ARFGEF2: variants seen among roughly 807,000 people sequenced by gnomAD.
The protein encoded by ARFGEF2 is ARF guanine nucleotide exchange factor 2.
ARFGEF2 carries 74 observed loss-of-function variants against 219.9 expected under a neutral mutation model. The observed-to-expected ratio is 0.34, with a 90% CI of 0.28 to 0.41. The LOEUF (loss-of-function observed/expected upper bound fraction) is 0.41, where lower values mean the gene tolerates loss of function less well. ARFGEF2 is among the 10% of genes least tolerant of loss of function. The pLI is 1.00. For synonymous variants in ARFGEF2, 733 were observed against 799.2 expected (o/e 0.92, Z 1.40); for missense variants, 1,743 against 2,218.3 (o/e 0.79, Z 4.30).
At chr20:49,026,346 A>T in intron 36 of ARFGEF2, among the ~76,000 whole-genome samples, 1 of 152,110 alleles carries the variant, frequency 6.6e-6, no homozygotes, top group East Asian at 1.9e-4. Context: ...AAAAAAAGAA[A>T]TTTTACATTA....
intron 30 of ARFGEF2, 53 bp downstream of exon 30, chr20:49,014,013 T>C (rs2091516412): frequency 6.2e-6 from 10 of 1,610,884 alleles, no homozygotes; most frequent in Admixed American, 5.0e-5. Flanking sequence ...AAAGCCTTTC[T>C]GGCCGGTATT....
At chr20:49,027,666 A>T (rs1422508997) in intron 36 of ARFGEF2, among the ~76,000 whole-genome samples, 1 of 152,082 alleles carries the variant, frequency 6.6e-6, no homozygotes, top group Non-Finnish European at 1.5e-5. Context: ...ACTGCACTCC[A>T]GCCTGGGTGA....
chr20:48,982,883 T>A (rs2091305219), intron 14 of ARFGEF2, among the ~76,000 whole-genome samples: 1 of 152,196 alleles, frequency 6.6e-6, no homozygotes, highest in South Asian at 2.1e-4. Context: ...GTGTCCCGAT[T>A]TTCCAGGTAC....
At chr20:49,015,796 A>G (rs1234414796) in intron 30 of ARFGEF2, among the ~76,000 whole-genome samples, 1 of 152,202 alleles carries the variant, frequency 6.6e-6, no homozygotes, top group Non-Finnish European at 1.5e-5. Flanking sequence ...AAGTGTTTCA[A>G]ACTGCTAGTG....
At chr20:48,952,031 C>T (rs940409259) in intron 4 of ARFGEF2, among the ~76,000 whole-genome samples, 4 of 151,490 alleles carry the variant, frequency 2.6e-5, no homozygotes, top group African/African-American at 9.7e-5. Context: ...CACATCGAAA[C>T]GTATATTTTC....
chr20:48,982,936 G>A (rs1325695082), intron 14 of ARFGEF2, among the ~76,000 whole-genome samples: 3 of 152,106 alleles, frequency 2.0e-5, no homozygotes, highest in Non-Finnish European at 4.4e-5. Flanking sequence ...AAAATCCTCC[G>A]ACCCCTTACG....
intron 16 of ARFGEF2, among the ~76,000 whole-genome samples, chr20:48,987,530 T>C (rs887758603): frequency 1.4e-4 from 22 of 152,342 alleles, no homozygotes; most frequent in African/African-American, 5.1e-4. Context: ...ACAGCAGTTT[T>C]AGTCATCTTT....
intron 1 of ARFGEF2, among the ~76,000 whole-genome samples, chr20:48,930,870 G>T (rs2090909005): frequency 6.6e-6 from 1 of 152,220 alleles, no homozygotes. Flanking sequence ...GCCTTTTCTG[G>T]CTGGGCAGAG....
chr20:48,931,967 G>A (rs1234735886), intron 1 of ARFGEF2, among the ~76,000 whole-genome samples: 1 of 152,212 alleles, frequency 6.6e-6, no homozygotes, highest in African/African-American at 2.4e-5. Flanking sequence ...GGGTGGAAGG[G>A]AGGATAATTG....
rs1225657737 is a variant in ARFGEF2 at position 49,033,907 on chromosome 20, AGAAAAAGTCTACAC to A, written c.*717_*730del. The A allele has an allele frequency of 6.6e-6, 1 of 152,374 alleles. No homozygotes were observed. The allele number at this position is 152,374 out of a possible 1,614,324, so 9.4% of individuals were successfully genotyped here. On this transcript the variant is annotated 3_prime_UTR_variant, in exon 39 of 39. Coordinates refer to ENST00000371917, the MANE Select transcript of ARFGEF2 (RefSeq NM_006420.3). ...ATCTCCCTGTTTTAGTAACATGGAG[AGAAAAAGTCTACAC>A]GAAAAAGTGAACAATTTAATGAAGA... is the stretch of plus-strand genomic sequence containing the variant.
At chr20:48,977,948 G>GTT (rs2091272350) in intron 14 of ARFGEF2, among the ~76,000 whole-genome samples, 1 of 152,136 alleles carries the variant, frequency 6.6e-6, no homozygotes. Context: ...TCTGATGGTA[G>GTT]TTTCTTTTGC....
intron 1 of ARFGEF2, among the ~76,000 whole-genome samples, chr20:48,937,724 G>A (rs947580106): frequency 6.6e-6 from 1 of 152,204 alleles, no homozygotes; most frequent in Non-Finnish European, 1.5e-5. Context: ...CTCTTTCCTG[G>A]TCACAGGAGA....
chr20:49,003,844 A>G (rs892217888), intron 25 of ARFGEF2, among the ~76,000 whole-genome samples: 6 of 152,152 alleles, frequency 3.9e-5, no homozygotes, highest in African/African-American at 1.2e-4. Flanking sequence ...GACAAGTACA[A>G]TTTTTAAGGA....
chr20:48,955,104 C>T (rs1264150993), intron 6 of ARFGEF2, among the ~76,000 whole-genome samples: 1 of 152,186 alleles, frequency 6.6e-6, no homozygotes. Context: ...GACCCCTGCT[C>T]AAACCCCTTT....
intron 21 of ARFGEF2, 151 bp downstream of exon 21, chr20:48,991,349 A>G (rs2091356383): frequency 2.6e-6 from 3 of 1,163,088 alleles, no homozygotes; most frequent in Non-Finnish European, 3.8e-6. Flanking sequence ...GGGGCTGTGA[A>G]AGGCGGGGGC....
At position 48,965,909 on chromosome 20, in the gene ARFGEF2, A is replaced by C. The variant is rs1015138690; in HGVS notation, c.945A>C (p.Arg315Ser). 1 of 1,614,224 alleles carries C rather than the reference A, an allele frequency of 6.2e-7. No individual in the cohort carries two copies. The highest frequency in any genetic ancestry group is 8.5e-7 in the Non-Finnish European group (1 of 1,180,038). ...AGCATGGTCTGACAGAACCTGAGAG[A>C]GTTCTAGGTGAACTGGAGTGCCAGG... ...AEKHGLTEPE[R>S]VLGELECQEC... Residue 315 changes from arginine (R) to serine (S), a missense_variant, in exon 8 of 39, where the codon AGA (arginine) becomes AGC (serine). Arg to Ser is a moderately radical substitution (Grantham distance 110). This residue lies in a region of ARFGEF2 where 394 missense variants were observed against 426.6 expected (regional missense o/e 0.92). Transcript: ENST00000371917.
At chr20:48,941,281 AG>A (rs756995732) in intron 2 of ARFGEF2, 52 bp downstream of exon 2, 2 of 1,579,730 alleles carry the variant, frequency 1.3e-6, no homozygotes, top group African/African-American at 2.7e-5. Flanking sequence ...GGGAGTAGGT[AG>A]CAACTGGGGG....
In ARFGEF2 at chr20:48,953,026, T is replaced by C. The variant is rs930403633; in HGVS notation, c.603+142T>C. ...GTGGATTCTCTGTACTGTGCTTTTG[T>C]TCTTGCTTTAAAAATCAGAGAAACT... On this transcript the variant is annotated intron_variant, in intron 5 of 38. Coordinates refer to ENST00000371917, the MANE Select transcript of ARFGEF2 (RefSeq NM_006420.3). 4 of 912,444 alleles carry C rather than the reference T, an allele frequency of 4.4e-6. No individual in the cohort carries two copies. The Admixed American group carries it at 6.8e-5, about 16-fold the overall frequency. 56.5% of individuals were successfully genotyped at this position (912,444 alleles called of 1,614,324 possible). A position where few individuals can be genotyped will look rare whatever the true frequency, so the allele number is the denominator to read the frequency against.
At chr20:48,931,641 G>C (rs560245573) in intron 1 of ARFGEF2, among the ~76,000 whole-genome samples, 1 of 151,624 alleles carries the variant, frequency 6.6e-6, no homozygotes, top group South Asian at 2.1e-4. Flanking sequence ...AGATCTGAAG[G>C]AAGTGAGGGG....
Sources: gnomAD v4.1 joint callset for allele counts (sites outside exome capture counted in the v4.1 genomes callset) on GRCh38, gnomAD v4.1.1 for gene constraint, gnomAD v4.1.1 regional missense constraint, MANE v1.5 for transcripts, NCBI Gene and HGNC (gene_info 2026-07-23, HGNC 2026-07-21) for gene names.